FARS2: variants seen among roughly 807,000 people sequenced by gnomAD.
FARS2 encodes the protein phenylalanyl-tRNA synthetase 2, mitochondrial, also known as phenylalanine--tRNA ligase, mitochondrial.
A neutral mutation model predicts 46.4 loss-of-function variants in FARS2; 40 were observed. The observed-to-expected ratio is 0.86, with a 90% CI of 0.67 to 1.12. The LOEUF is 1.12. FARS2 is among the 50% of genes most tolerant of loss of function. The pLI is 0.00. For synonymous variants in FARS2, 234 were observed against 214.9 expected (o/e 1.09, Z -0.78); for missense variants, 513 against 567.9 (o/e 0.90, Z 0.98).
intron 5 of FARS2, among the ~76,000 whole-genome samples, chr6:5,550,217 C>G (rs1256356778): frequency 6.6e-6 from 1 of 152,190 alleles, no homozygotes; most frequent in Admixed American, 6.5e-5. Flanking sequence ...TTCTCTGTGG[C>G]CCTTGGCTTC....
intron 4 of FARS2, among the ~76,000 whole-genome samples, chr6:5,436,419 G>T (rs1763524702): frequency 6.6e-6 from 1 of 152,150 alleles, no homozygotes. Context: ...AGGCTGTACT[G>T]GTAATAAACA....
intron 2 of FARS2, among the ~76,000 whole-genome samples, chr6:5,370,445 TAGGGAACTAA>T (rs1177924668): frequency 4.6e-5 from 7 of 152,264 alleles, no homozygotes; most frequent in African/African-American, 1.4e-4. Flanking sequence ...ATAGATTTAT[TAGGGAACTAA>T]TATGAGATGA....
At chr6:5,729,214 G>C (rs961916993) in intron 6 of FARS2, among the ~76,000 whole-genome samples, 2 of 152,214 alleles carry the variant, frequency 1.3e-5, no homozygotes, top group African/African-American at 4.8e-5. Context: ...TTTGGAGTTG[G>C]TCTTGAGTGT....
At chr6:5,400,865 A>T (rs1022489065) in intron 2 of FARS2, among the ~76,000 whole-genome samples, 1 of 151,960 alleles carries the variant, frequency 6.6e-6, no homozygotes, top group Non-Finnish European at 1.5e-5. Context: ...TGATATATAG[A>T]TATTCATAAG....
intron 6 of FARS2, among the ~76,000 whole-genome samples, chr6:5,626,515 C>T (rs1776040275): frequency 6.6e-6 from 1 of 152,172 alleles, no homozygotes; most frequent in African/African-American, 2.4e-5. Flanking sequence ...TCCCCACTGT[C>T]AACTTGTCAC....
chr6:5,389,164 G>A (rs1371294329), intron 2 of FARS2, among the ~76,000 whole-genome samples: 2 of 152,016 alleles, frequency 1.3e-5, no homozygotes, highest in African/African-American at 4.8e-5. Flanking sequence ...AAAAAATATC[G>A]GCTTGCAGAA....
chr6:5,350,585 C>A (rs570784243), intron 1 of FARS2, among the ~76,000 whole-genome samples: 78 of 152,268 alleles, frequency 5.1e-4, no homozygotes, highest in African/African-American at 1.9e-3. Flanking sequence ...AGGAAGGCTA[C>A]CTGCTTCAGG....
At chr6:5,576,418 C>G (rs1008668918) in intron 5 of FARS2, among the ~76,000 whole-genome samples, 1 of 152,050 alleles carries the variant, frequency 6.6e-6, no homozygotes, top group African/African-American at 2.4e-5. Context: ...GCTTCCTGCT[C>G]TCAAACATCA....
intron 6 of FARS2, among the ~76,000 whole-genome samples, chr6:5,654,735 A>G (rs960277133): frequency 6.6e-6 from 1 of 151,988 alleles, no homozygotes; most frequent in African/African-American, 2.4e-5. Flanking sequence ...GTTCTCTTTT[A>G]ATTGCAGTTG....
intron 2 of FARS2, among the ~76,000 whole-genome samples, chr6:5,374,975 A>G (rs1367758980): frequency 6.6e-6 from 1 of 152,122 alleles, no homozygotes; most frequent in Non-Finnish European, 1.5e-5. Context: ...CTCTTACAGC[A>G]AACATAATTA....
chr6:5,598,418 T>C (rs567154688), intron 5 of FARS2, among the ~76,000 whole-genome samples: 1 of 152,274 alleles, frequency 6.6e-6, no homozygotes, highest in South Asian at 2.1e-4. Flanking sequence ...TAAGTAAGTA[T>C]GTAAGTAAAT....
intron 5 of FARS2, among the ~76,000 whole-genome samples, chr6:5,580,795 C>T (rs1374171698): frequency 1.3e-5 from 2 of 152,166 alleles, no homozygotes. Flanking sequence ...GTCCAGGCAG[C>T]CCTCTTCACG....
intron 1 of FARS2, among the ~76,000 whole-genome samples, chr6:5,326,428 T>C (rs952408623): frequency 6.6e-6 from 1 of 152,164 alleles, no homozygotes; most frequent in Non-Finnish European, 1.5e-5. Context: ...CACACAGCAG[T>C]TGTGTCAGCT....
At chr6:5,389,621 T>C (rs1760361137) in intron 2 of FARS2, among the ~76,000 whole-genome samples, 1 of 152,220 alleles carries the variant, frequency 6.6e-6, no homozygotes, top group African/African-American at 2.4e-5. Context: ...GATTGACTTA[T>C]GAAGCTAGAA....
chr6:5,516,542 G>C (rs1157150627), intron 4 of FARS2, among the ~76,000 whole-genome samples: 1 of 152,148 alleles, frequency 6.6e-6, no homozygotes. Flanking sequence ...TTCTGATTAC[G>C]GTGCTATTCT....
At chr6:5,508,630 C>T (rs774608762) in intron 4 of FARS2, among the ~76,000 whole-genome samples, 16 of 152,160 alleles carry the variant, frequency 1.1e-4, no homozygotes, top group African/African-American at 1.9e-4. Context: ...GGGTACAGGA[C>T]AGAAGTGAGA....
chr6:5,568,725 G>A (rs1163579090), intron 5 of FARS2, among the ~76,000 whole-genome samples: 1 of 152,196 alleles, frequency 6.6e-6, no homozygotes, highest in Non-Finnish European at 1.5e-5. Flanking sequence ...AATGGTTTCT[G>A]TAAGGCAATT....
At chr6:5,463,161 G>A (rs1037881916) in intron 4 of FARS2, among the ~76,000 whole-genome samples, 1 of 152,150 alleles carries the variant, frequency 6.6e-6, no homozygotes, top group African/African-American at 2.4e-5. Context: ...AGTTTTTAGA[G>A]TACAAGTCTT....
chr6:5,732,853 T>C (rs922263119), intron 6 of FARS2, among the ~76,000 whole-genome samples: 3 of 152,164 alleles, frequency 2.0e-5, no homozygotes, highest in South Asian at 2.1e-4. Context: ...CCTGTTCTTC[T>C]ATTCACTCTG....
Sources: gnomAD v4.1 joint callset for allele counts (sites outside exome capture counted in the v4.1 genomes callset) on GRCh38, gnomAD v4.1.1 for gene constraint, MANE v1.5 for transcripts, NCBI Gene and HGNC (gene_info 2026-07-23, HGNC 2026-07-21) for gene names.